CEP95: variants seen among roughly 807,000 people sequenced by gnomAD.
The protein encoded by CEP95 is centrosomal protein of 95 kDa.
Under a neutral mutation model 111.2 loss-of-function variants are expected in CEP95, and 98 were observed. The observed-to-expected ratio is 0.88, with a 90% CI of 0.75 to 1.04. CEP95 has a LOEUF of 1.04. Among genes scored for constraint, CEP95 ranks in the 50% least tolerant of loss-of-function variants. The pLI is 0.00. For missense variants in CEP95, 1,027 were observed against 977.2 expected (o/e 1.05, Z -0.68); for synonymous variants, 323 against 327.1 (o/e 0.99, Z 0.14).
chr17:64,530,602 G>A (rs190018801), intron 12 of CEP95, among the ~76,000 whole-genome samples: 1 of 151,190 alleles, frequency 6.6e-6, no homozygotes, highest in Non-Finnish European at 1.5e-5. Flanking sequence ...TCCGTTTCCC[G>A]GGTTCAAGCG....
intron 3 of CEP95, among the ~76,000 whole-genome samples, chr17:64,513,541 T>C (rs2038993924): frequency 6.6e-6 from 1 of 152,178 alleles, no homozygotes; most frequent in Non-Finnish European, 1.5e-5. Flanking sequence ...GTGTAAGTTA[T>C]GAATATGAAG....
At position 64,532,998 on chromosome 17, in the gene CEP95, T is replaced by C. The variant is rs1555680703; in HGVS notation, c.1832T>C (p.Leu611Pro). Residue 611 changes from leucine (L) to proline (P), a missense_variant, in exon 15 of 20, where the codon CTC (leucine) becomes CCC (proline). Physicochemically the swap from Leu to Pro is moderately conservative, Grantham distance 98 (BLOSUM62 -3). Transcript: ENST00000556440. ...AGAGAAAATCGATCAAAGAAGAAAC[T>C]CCAAGATGAAGTAAGTTACTGTCAG... is the stretch of plus-strand genomic sequence containing the variant. ...ACRENRSKKKLQDEIEEALRR... is the reference protein window; with the variant it reads ...ACRENRSKKKPQDEIEEALRR... 1 of 1,611,296 alleles carries C rather than the reference T, an allele frequency of 6.2e-7. No homozygotes were observed. The highest frequency in any genetic ancestry group is 1.1e-5 in the South Asian group (1 of 90,274).
chr17:64,536,561 A>G (rs782288427), intron 17 of CEP95, 41 bp from the exon 18 acceptor site: 2 of 1,523,556 alleles, frequency 1.3e-6, no homozygotes, highest in Non-Finnish European at 1.8e-6. Flanking sequence ...GGCCAAAATG[A>G]TATTCCTCAA....
intron 3 of CEP95, among the ~76,000 whole-genome samples, chr17:64,510,885 T>G (rs1474077613): frequency 6.6e-6 from 1 of 152,188 alleles, no homozygotes; most frequent in Non-Finnish European, 1.5e-5. Context: ...ACGTAGGTTC[T>G]TTTCTATTTT....
chr17:64,525,091 A>G (rs782712366), intron 8 of CEP95, among the ~76,000 whole-genome samples: 75 of 152,142 alleles, frequency 4.9e-4, no homozygotes, highest in Non-Finnish European at 1.0e-3. Flanking sequence ...CTGTAATCCC[A>G]GCACTTTGAG....
chr17:64,525,187 C>G (rs1967708518), intron 8 of CEP95, among the ~76,000 whole-genome samples: 1 of 151,382 alleles, frequency 6.6e-6, no homozygotes, highest in East Asian at 1.9e-4. Context: ...TAAAAATACA[C>G]AAAAAAATTA....
At chr17:64,519,485 A>G (rs1555677200) in intron 6 of CEP95, 49 bp downstream of exon 6, 1 of 1,340,044 alleles carries the variant, frequency 7.5e-7, no homozygotes, top group East Asian at 2.3e-5. Context: ...ATACAACTAT[A>G]AAAATGTAAA....
Position 64,521,465 on chromosome 17 carries a change from A to G in CEP95, c.653A>G (p.His218Arg), listed in dbSNP as rs200178960. The G allele has an allele frequency of 1.3e-3, 2,125 of 1,612,768 alleles. 5 individuals carry two copies. Among genetic ancestry groups the G allele is most frequent in the Non-Finnish European group, 1.6e-3 (1,938 of 1,178,900 alleles). The change falls in exon 7 of 20, where the codon CAT becomes CGT. Residue 218 changes from histidine to arginine, a missense_variant. His to Arg is a conservative substitution (Grantham distance 29). Coordinates refer to ENST00000556440, the MANE Select transcript of CEP95 (RefSeq NM_138363.3). Reference sequence around the variant, plus strand: ...TTAGCCTCACCAAGTTCTAAATCACATGAAGATATGTTGTACCCTCCTAGT... The same window carrying G: ...TTAGCCTCACCAAGTTCTAAATCACGTGAAGATATGTTGTACCCTCCTAGT... Reference protein sequence around the residue: ...KALASPSSKSHEDMLYPPSVL... With the variant: ...KALASPSSKSREDMLYPPSVL...
intron 16 of CEP95, chr17:64,534,102 T>A (rs946267403): frequency 6.2e-6 from 1 of 160,676 alleles, no homozygotes; most frequent in South Asian, 1.8e-4. Context: ...AGATGGTACT[T>A]TCCTGTGGAG....
intron 17 of CEP95, chr17:64,534,941 C>CTATAGTG: frequency 1.8e-6 from 1 of 559,132 alleles, no homozygotes. Flanking sequence ...TCTCCGTGTC[C>CTATAGTG]CTCATCTTAA....
At chr17:64,514,157 C>T (rs782791727) in intron 3 of CEP95, 91 bp from the exon 4 acceptor site, 6 of 561,794 alleles carry the variant, frequency 1.1e-5, no homozygotes, top group Non-Finnish European at 2.0e-5. Flanking sequence ...TCTTAAATAG[C>T]ATTTTCACAA....
At chr17:64,517,999 C>T (rs1376927359) in intron 5 of CEP95, among the ~76,000 whole-genome samples, 1 of 152,096 alleles carries the variant, frequency 6.6e-6, no homozygotes, top group Non-Finnish European at 1.5e-5. Flanking sequence ...GCCTCAGCCT[C>T]CTGAGTAGCT....
intron 1 of CEP95, chr17:64,508,215 C>G (rs782322683): frequency 1.0e-6 from 1 of 985,218 alleles, no homozygotes; most frequent in Non-Finnish European, 1.2e-6. Flanking sequence ...TTCTGGTAAC[C>G]TCGGATTATC....
chr17:64,506,867 T>C (rs2038558584), upstream of CEP95: 1 of 632,798 alleles, frequency 1.6e-6, no homozygotes, highest in Non-Finnish European at 2.9e-6. Context: ...GAGAATGGTC[T>C]CTAAACTTCC....
intron 17 of CEP95, chr17:64,536,309 C>T (rs184282954): frequency 4.9e-5 from 9 of 185,522 alleles, no homozygotes; most frequent in Admixed American, 3.7e-4. Context: ...TTTAGCCAGG[C>T]GTGGTGGCAC....
chr17:64,510,506 C>A (rs2038835952), intron 3 of CEP95, among the ~76,000 whole-genome samples: 1 of 152,020 alleles, frequency 6.6e-6, no homozygotes, highest in African/African-American at 2.4e-5. Flanking sequence ...CGTAAATATC[C>A]TAGCTGGTAA....
At chr17:64,524,842 G>T (rs1019381796) in intron 8 of CEP95, among the ~76,000 whole-genome samples, 38 of 151,422 alleles carry the variant, frequency 2.5e-4, no homozygotes, top group African/African-American at 9.0e-4. Context: ...GCGGTGGCAG[G>T]TGCCTGTAAT....
At chr17:64,524,490 A>G (rs1967638894) in intron 8 of CEP95, among the ~76,000 whole-genome samples, 1 of 151,984 alleles carries the variant, frequency 6.6e-6, no homozygotes, top group Admixed American at 6.6e-5. Flanking sequence ...TTTTAAAAAT[A>G]TTTTTAGTAG....
upstream of CEP95, chr17:64,506,965 CT>C: frequency 1.0e-6 from 1 of 981,558 alleles, no homozygotes; most frequent in Non-Finnish European, 1.6e-6. Flanking sequence ...GTCCGTCCTT[CT>C]TTCACGCCTC....
Sources: allele counts gnomAD v4.1 joint callset (sites outside exome capture counted in the v4.1 genomes callset), GRCh38; gene constraint gnomAD v4.1.1; transcripts MANE v1.5; gene names NCBI Gene and HGNC (gene_info 2026-07-23, HGNC 2026-07-21).